The following PDE11A variants were observed in gnomAD, a reference collection of about 807,000 sequenced individuals.
PDE11A encodes dual 3',5'-cyclic-AMP and -GMP phosphodiesterase 11A.
Under a neutral mutation model 100.5 loss-of-function variants are expected in PDE11A, and 100 were observed. The observed-to-expected ratio is 1.00, with a 90% confidence interval of 0.85 to 1.18. The LOEUF (loss-of-function observed/expected upper bound fraction) is 1.18. Among genes scored for constraint, PDE11A ranks in the 50% most tolerant of loss-of-function variants. PDE11A has a pLI of 0.00. For missense variants in PDE11A, 1,141 were observed against 1,152.6 expected (o/e 0.99, Z 0.15); for synonymous variants, 381 against 420.8 (o/e 0.91, Z 1.16).
chr2:177,855,664 A>G (rs545554248), intron 5 of PDE11A, among the ~76,000 whole-genome samples: 1 of 152,120 alleles, frequency 6.6e-6, no homozygotes, highest in Non-Finnish European at 1.5e-5. Context: ...CATTCACAGA[A>G]CTTGTCTTTA....
At chr2:177,723,885 A>T (rs866312353) in intron 12 of PDE11A, among the ~76,000 whole-genome samples, 4 of 152,176 alleles carry the variant, frequency 2.6e-5, no homozygotes, top group South Asian at 2.1e-4. Flanking sequence ...TTTACAGAAT[A>T]CAAACAAAAG....
rs749880831 is a variant in PDE11A, at chr2:177,986,756, G to A, written c.1071+27546C>T. 4.0e-5 allele frequency among the ~76,000 whole-genome samples: 6 copies of A among 151,706 alleles called. No individual in the cohort carries two copies. The East Asian group carries it at 5.8e-4, about 15-fold the overall frequency. On this transcript the variant is annotated intron_variant, in intron 2 of 19. Coordinates refer to ENST00000286063, the MANE Select transcript of PDE11A (RefSeq NM_016953.4). Reference sequence around the variant, plus strand: ...TGAGGCAGGAGAATCGCTTGAACACGGGAGGCAGAGGTTGTAGTGAGCTGA... The same window carrying A: ...TGAGGCAGGAGAATCGCTTGAACACAGGAGGCAGAGGTTGTAGTGAGCTGA...
At chr2:177,919,723 C>T (rs796512077) in intron 2 of PDE11A, among the ~76,000 whole-genome samples, 13 of 151,928 alleles carry the variant, frequency 8.6e-5, no homozygotes, top group African/African-American at 3.1e-4. Flanking sequence ...TATCAATTAC[C>T]TGTCCAAATT....
At chr2:178,068,463 C>G (rs1426948274) in intron 1 of PDE11A, among the ~76,000 whole-genome samples, 3 of 151,750 alleles carry the variant, frequency 2.0e-5, no homozygotes, top group African/African-American at 7.3e-5. Flanking sequence ...TATTAGGAAC[C>G]CCCAAGAGTA....
intron 10 of PDE11A, among the ~76,000 whole-genome samples, chr2:177,759,173 GCACACACACACACA>G (rs10541503): frequency 1.4e-5 from 2 of 147,424 alleles, no homozygotes; most frequent in African/African-American, 5.0e-5. Flanking sequence ...TGGAGCACGT[GCACACACACACACA>G]CACACACACA....
intron 19 of PDE11A, among the ~76,000 whole-genome samples, chr2:177,655,761 A>G (rs761039769): frequency 2.6e-5 from 4 of 152,194 alleles, no homozygotes; most frequent in Non-Finnish European, 5.9e-5. Context: ...ACACTACAGG[A>G]TCCTAAAAGT....
At chr2:177,848,378 T>C (rs1365682775) in intron 5 of PDE11A, among the ~76,000 whole-genome samples, 8 of 152,232 alleles carry the variant, frequency 5.3e-5, no homozygotes, top group Non-Finnish European at 1.0e-4. Context: ...AGTTAACCAC[T>C]TAATAGCTTA....
intron 1 of PDE11A, among the ~76,000 whole-genome samples, chr2:178,034,841 A>C (rs183189745): frequency 1.1e-3 from 165 of 151,818 alleles, no homozygotes; most frequent in African/African-American, 3.8e-3. Context: ...ACAAAGACAC[A>C]ACATACCAGA....
At chr2:177,917,725 G>T (rs1466516111) in intron 2 of PDE11A, among the ~76,000 whole-genome samples, 1 of 152,050 alleles carries the variant, frequency 6.6e-6, no homozygotes, top group African/African-American at 2.4e-5. Flanking sequence ...AAATAATAAG[G>T]AAATATAAAA....
At chr2:177,814,043 C>G (rs6713981) in intron 9 of PDE11A, among the ~76,000 whole-genome samples, 61,578 of 151,708 alleles carry the variant, frequency 0.41, 14,307 homozygotes, top group African/African-American at 0.64. Flanking sequence ...CCCAGGATCT[C>G]AGAAAGAAGG....
chr2:177,962,081 A>G (rs2085641303), intron 2 of PDE11A, among the ~76,000 whole-genome samples: 1 of 149,878 alleles, frequency 6.7e-6, no homozygotes, highest in Non-Finnish European at 1.5e-5. Flanking sequence ...AAAAAAAAAA[A>G]AGTTTGTCTA....
chr2:177,772,118 CT>C (rs897499182), intron 9 of PDE11A, among the ~76,000 whole-genome samples: 39 of 151,992 alleles, frequency 2.6e-4, no homozygotes, highest in Middle Eastern at 3.4e-3. Context: ...CCATTGTAGA[CT>C]TTTTTTTACT....
intron 5 of PDE11A, among the ~76,000 whole-genome samples, chr2:177,850,283 G>A (rs1169820558): frequency 3.9e-5 from 6 of 152,182 alleles, no homozygotes; most frequent in Non-Finnish European, 5.9e-5. Flanking sequence ...AAGAAATGGG[G>A]AAAGGATTCC....
At chr2:177,854,366 G>T (rs1255959531) in intron 5 of PDE11A, among the ~76,000 whole-genome samples, 5 of 152,072 alleles carry the variant, frequency 3.3e-5, no homozygotes, top group South Asian at 2.1e-4. Flanking sequence ...AAGATTAGAT[G>T]CTTGAAAAAT....
chr2:177,871,528 T>A (rs1381311375), intron 5 of PDE11A, among the ~76,000 whole-genome samples: 62 of 28,180 alleles, frequency 2.2e-3, no homozygotes, highest in African/African-American at 7.1e-3. Context: ...AGTAGTAAAT[T>A]ATTATTATTA....
intron 1 of PDE11A, among the ~76,000 whole-genome samples, chr2:178,045,784 T>C (rs2086742230): frequency 6.6e-6 from 1 of 152,236 alleles, no homozygotes; most frequent in Non-Finnish European, 1.5e-5. Flanking sequence ...CGCACAAAAA[T>C]AATCAGTTAC....
intron 2 of PDE11A, among the ~76,000 whole-genome samples, chr2:178,003,658 T>C (rs1395010679): frequency 6.6e-6 from 1 of 152,114 alleles, no homozygotes; most frequent in Admixed American, 6.6e-5. Context: ...AGTGTGGTGA[T>C]GGTTTACACA....
intron 9 of PDE11A, among the ~76,000 whole-genome samples, chr2:177,788,984 C>T (rs1380727035): frequency 6.6e-6 from 1 of 152,162 alleles, no homozygotes; most frequent in Non-Finnish European, 1.5e-5. Flanking sequence ...GTACCATTCC[C>T]TCTGAAACTA....
rs1303098342 is a variant in PDE11A, at chr2:177,669,696, T to A, written c.2488-129A>T. On this transcript the variant is annotated intron_variant, in intron 17 of 19. Transcript: ENST00000286063. ...TTTAAAAAGCTTATGAGGAAGTAAG[T>A]ATATTAACCTTTCATGTTTGAAGGT... The A allele has an allele frequency of 1.6e-5, 11 of 684,380 alleles. No homozygotes were observed. The South Asian group carries it at 1.7e-4, about 11-fold the overall frequency. 42.4% of individuals were successfully genotyped at this position (684,380 alleles called of 1,614,324 possible).
Sources: gnomAD v4.1 joint callset for allele counts (sites outside exome capture counted in the v4.1 genomes callset) on GRCh38, gnomAD v4.1.1 for gene constraint, MANE v1.5 for transcripts, NCBI Gene and HGNC (gene_info 2026-07-23, HGNC 2026-07-21) for gene names.